CALHM3: variants seen among roughly 807,000 people sequenced by gnomAD.
CALHM3 encodes calcium homeostasis modulator protein 3.
A neutral mutation model predicts 13.6 loss-of-function variants in CALHM3; 9 were observed. The observed-to-expected ratio is 0.66, with a 90% CI of 0.40 to 1.15. The LOEUF is 1.15. CALHM3 is among the 50% of genes most tolerant of loss of function. CALHM3 has a pLI of 0.01. For synonymous variants in CALHM3, 231 were observed against 213.2 expected (o/e 1.08, Z -0.73); for missense variants, 497 against 463.4 (o/e 1.07, Z -0.67).
chr10:103,476,403 G>C lies in CALHM3; in HGVS notation c.434C>G (p.Pro145Arg). ...GGCCAGGAAGAGCTGTACCTGGCTG[G>C]GGGTCATGTTGGCAAAGTCCAGAAA... ...EKFLDFANMT[P>R]SQVQLFLAKV... The change falls in exon 2 of 3, where the codon CCC becomes CGC. Residue 145 changes from proline (P) to arginine (R), a missense_variant. Transcript: ENST00000369783. 1 of 1,551,742 alleles carries C rather than the reference G, an allele frequency of 6.4e-7. No individual in the cohort carries two copies. The highest frequency in any genetic ancestry group is 1.4e-5 in the African/African-American group (1 of 73,178).
At chr10:103,474,777 C>A (rs2033370551) in intron 2 of CALHM3, among the ~76,000 whole-genome samples, 1 of 152,110 alleles carries the variant, frequency 6.6e-6, no homozygotes, top group African/African-American at 2.4e-5. Context: ...TTATCCAGTC[C>A]TTTGTCATCC....
intron 1 of CALHM3, 76 bp from the exon 2 acceptor site, chr10:103,476,625 G>T: frequency 1.3e-6 from 2 of 1,491,966 alleles, no homozygotes; most frequent in Non-Finnish European, 9.1e-7. Context: ...AGGATGGACT[G>T]CTGGGAAGTC....
intron 2 of CALHM3, among the ~76,000 whole-genome samples, chr10:103,475,818 C>T (rs2033380897): frequency 6.6e-6 from 1 of 152,088 alleles, no homozygotes; most frequent in Non-Finnish European, 1.5e-5. Flanking sequence ...TGGGGTTTGT[C>T]CCCCAAGATA....
chr10:103,476,176 T>C, intron 2 of CALHM3, 118 bp downstream of exon 2: 1 of 1,393,206 alleles, frequency 7.2e-7, no homozygotes, highest in Non-Finnish European at 9.8e-7. Context: ...CTTCCCTGCC[T>C]CCTGGGAATG....
In CALHM3 at chr10:103,479,019, C is replaced by T. The variant is rs758029147; in HGVS notation, c.14G>A (p.Arg5His). The stretch of plus-strand genomic sequence containing the variant: ...TGACTGGAAGTGCTGGAAGAGCATG[C>T]GGAATTTATCCATGGCTCCAGCCTG... MDKF[R>H]MLFQHFQSSS... The change falls in exon 1 of 3, where the codon CGC (arginine) becomes CAC (histidine). Residue 5 changes from arginine to histidine, a missense_variant. Coordinates refer to ENST00000369783, the MANE Select transcript of CALHM3 (RefSeq NM_001129742.2). The T allele has an allele frequency of 2.6e-5, 41 of 1,549,646 alleles. 1 individual carries two copies. The Middle Eastern group carries it at 6.7e-4, about 25-fold the overall frequency.
Position 103,473,034 on chromosome 10 carries a change from T to C in CALHM3, c.*179A>G, listed in dbSNP as rs17115669. The C allele has an allele frequency of 0.019, 10,589 of 571,020 alleles. 925 individuals are homozygous for C. Among genetic ancestry groups the C allele is most frequent in the African/African-American group, 0.18 (9,509 of 51,650 alleles). 35.4% of individuals were successfully genotyped at this position (571,020 alleles called of 1,614,324 possible). A position where few individuals can be genotyped will look rare whatever the true frequency, so the allele number is the denominator to read the frequency against. Reference sequence around the variant, plus strand: ...CGGTGAACCGAGTCCACATTAAAGTTTGTGAAGCGCGCTGGAGGCCACACC... The same window carrying C: ...CGGTGAACCGAGTCCACATTAAAGTCTGTGAAGCGCGCTGGAGGCCACACC... On this transcript the variant is annotated 3_prime_UTR_variant, in exon 3 of 3. Coordinates refer to ENST00000369783, the MANE Select transcript of CALHM3 (RefSeq NM_001129742.2).
chr10:103,473,217 A>C lies in CALHM3; in HGVS notation c.1031T>G (p.Val344Gly). ...LGTRLSQHTD[V>G] ...GCTTCAAGCCTGGCCAGGACCCTAC[A>C]CGTCGGTGTGTTGTGACAGCCTCGT... The change falls in exon 3 of 3, where the codon GTG becomes GGG. Residue 344 changes from valine to glycine, a missense_variant. Coordinates refer to ENST00000369783, the MANE Select transcript of CALHM3 (RefSeq NM_001129742.2). The C allele has an allele frequency of 7.1e-7, 1 of 1,415,180 alleles. No individual in the cohort carries two copies. Among genetic ancestry groups the C allele is most frequent in the East Asian group, 2.7e-5 (1 of 36,844 alleles). The allele number at this position is 1,415,180 out of a possible 1,614,324, so 87.7% of individuals were successfully genotyped here.
chr10:103,476,724 C>G (rs2033394565), intron 1 of CALHM3, among the ~76,000 whole-genome samples, 175 bp from the exon 2 acceptor site: 1 of 152,200 alleles, frequency 6.6e-6, no homozygotes, highest in Admixed American at 6.5e-5. Flanking sequence ...CCCCTGGGAT[C>G]CCCAGGACTG....
Position 103,478,982 on chromosome 10 carries a change from C to G in CALHM3, c.51G>C (p.Ser17=), listed in dbSNP as rs780443545. 1.3e-6 allele frequency: 2 copies of G among 1,551,648 alleles called. No individual in the cohort carries two copies. The highest frequency in any genetic ancestry group is 2.4e-5 in the South Asian group (2 of 84,052). ...GCAGCAGGCAGATGCCATTCATCAC[C>G]GACTCCGAGCTTGACTGGAAGTGCT... The part of the protein sequence containing the change: ...LFQHFQSSSE[S]VMNGICLLLA... Residue 17 remains serine, a synonymous_variant, in exon 1 of 3, where the codon TCG becomes TCC. Transcript: ENST00000369783.
intron 2 of CALHM3, 93 bp from the exon 3 acceptor site, chr10:103,473,797 T>A: frequency 7.3e-7 from 1 of 1,365,070 alleles, no homozygotes; most frequent in Non-Finnish European, 9.6e-7. Flanking sequence ...GTTGCATATT[T>A]AATTTGATCA....
intron 2 of CALHM3, 111 bp from the exon 3 acceptor site, chr10:103,473,815 A>G (rs2033358681): frequency 2.3e-6 from 3 of 1,301,450 alleles, no homozygotes; most frequent in Middle Eastern, 2.5e-4. Context: ...TCATGTCTAC[A>G]TAATAATATT....
rs537016974 is a variant in CALHM3 at position 103,478,616 on chromosome 10, T to A, written c.287+130A>T. On this transcript the variant is annotated intron_variant, in intron 1 of 2. Transcript: ENST00000369783. ...AGGAGAGGGCGCACCTGGCAGTACC[T>A]GTAGGGTGGGTGGAGAATCCCCTGA... is the stretch of plus-strand genomic sequence containing the variant. 5 of 985,650 alleles carry A rather than the reference T, an allele frequency of 5.1e-6. No homozygotes were observed. In the East Asian group the frequency reaches 1.3e-4, roughly 26 times the overall value. The allele number at this position is 985,650 out of a possible 1,614,324, so 61.1% of individuals were successfully genotyped here.
intron 2 of CALHM3, among the ~76,000 whole-genome samples, chr10:103,474,721 C>G (rs1160135836): frequency 1.3e-5 from 2 of 152,190 alleles, no homozygotes; most frequent in Admixed American, 6.5e-5. Context: ...TCCCAAAGTG[C>G]TGGGATTACA....
At position 103,472,810 on chromosome 10, in the gene CALHM3, G is replaced by C. The variant is rs1460041008; in HGVS notation, c.*403C>G. The C allele has an allele frequency of 5.7e-5, 10 of 176,838 alleles. No homozygotes were observed. Among genetic ancestry groups the C allele is most frequent in the Non-Finnish European group, 1.2e-4 (10 of 85,284 alleles). 11.0% of individuals were successfully genotyped at this position (176,838 alleles called of 1,614,324 possible). A position where few individuals can be genotyped will look rare whatever the true frequency, so the allele number is the denominator to read the frequency against. ...ACAATTACACAAATGAAACTATCGA[G>C]GCAGCAGACTAAGGTCATTATTATT... On this transcript the variant is annotated 3_prime_UTR_variant, in exon 3 of 3. Coordinates refer to ENST00000369783, the MANE Select transcript of CALHM3 (RefSeq NM_001129742.2).
intron 2 of CALHM3, among the ~76,000 whole-genome samples, chr10:103,475,671 G>A (rs1318756102): frequency 6.6e-6 from 1 of 152,244 alleles, no homozygotes; most frequent in Non-Finnish European, 1.5e-5. Context: ...GGCAGGGGCT[G>A]TGTGTTTATT....
intron 1 of CALHM3, among the ~76,000 whole-genome samples, chr10:103,477,645 C>G (rs2033405184): frequency 6.6e-6 from 1 of 152,214 alleles, no homozygotes; most frequent in South Asian, 2.1e-4. Context: ...TTTCAGCTCA[C>G]TGCAACCTCT....
intron 2 of CALHM3, among the ~76,000 whole-genome samples, chr10:103,474,351 CCATT>C (rs2033364035): frequency 6.6e-6 from 1 of 152,120 alleles, no homozygotes; most frequent in Non-Finnish European, 1.5e-5. Flanking sequence ...ATCTCTTCTC[CCATT>C]CATTCATGCT....
intron 2 of CALHM3, 126 bp downstream of exon 2, chr10:103,476,168 T>C (rs3014199): frequency 0.036 from 47,568 of 1,332,144 alleles, 945 homozygotes; most frequent in Non-Finnish European, 0.04. Context: ...CTCCAGCACT[T>C]CCCTGCCTCC....
Position 103,473,315 on chromosome 10 carries a change from C to A in CALHM3, c.933G>T (p.Pro311=), listed in dbSNP as rs1234096345. ...GCCCGGGGGATGCAGCCAGGTCCAG[C>A]GGCGGCTTGCTGGAGTACCACGTGC... ...LLSTWYSSKP[P]LDLAASPGLC... is the part of the protein sequence containing the mutation. Residue 311 remains proline (P), a synonymous_variant, in exon 3 of 3, where the codon CCG becomes CCT. Coordinates refer to ENST00000369783, the MANE Select transcript of CALHM3 (RefSeq NM_001129742.2). 2 of 1,494,878 alleles carry A rather than the reference C, an allele frequency of 1.3e-6. No homozygotes were observed. The highest frequency in any genetic ancestry group is 1.8e-6 in the Non-Finnish European group (2 of 1,117,648). 92.6% of individuals were successfully genotyped at this position (1,494,878 alleles called of 1,614,324 possible). A position where few individuals can be genotyped will look rare whatever the true frequency, so the allele number is the denominator to read the frequency against.
Sources: allele counts gnomAD v4.1 joint callset (sites outside exome capture counted in the v4.1 genomes callset), GRCh38; gene constraint gnomAD v4.1.1; transcripts MANE v1.5; gene names NCBI Gene and HGNC (gene_info 2026-07-23, HGNC 2026-07-21).